GRIK4: variants seen among roughly 807,000 people sequenced by gnomAD.
The protein encoded by GRIK4 is glutamate receptor ionotropic, kainate 4.
A neutral mutation model predicts 104.9 loss-of-function variants in GRIK4; 40 were observed. The observed-to-expected ratio is 0.38, with a 90% confidence interval of 0.30 to 0.50. The LOEUF is 0.50. GRIK4 is among the 20% of genes least tolerant of loss of function. The pLI, the probability that GRIK4 is intolerant of heterozygous loss-of-function variation, is 0.93. For synonymous variants in GRIK4, 485 were observed against 524.9 expected, an observed-to-expected ratio of 0.92 and a Z score of 1.04; for missense variants, 1,047 against 1,308.1, an observed-to-expected ratio of 0.80 and a Z score of 3.08.
At chr11:120,599,839 C>T (rs933379885) in intron 1 of GRIK4, among the ~76,000 whole-genome samples, 3 of 152,202 alleles carry the variant, frequency 2.0e-5, no homozygotes, top group Admixed American at 1.3e-4. Flanking sequence ...GTGACTCACC[C>T]GAGCAAGGAG....
chr11:120,785,469 C>T (rs1343660870), intron 3 of GRIK4, among the ~76,000 whole-genome samples: 2 of 152,182 alleles, frequency 1.3e-5, no homozygotes, highest in Admixed American at 1.3e-4. Context: ...ATACATAGGG[C>T]ACTAACTGCA....
At chr11:120,871,793 C>A in intron 9 of GRIK4, 1 of 456,132 alleles carries the variant, frequency 2.2e-6, no homozygotes. Flanking sequence ...GAAGCAGCAG[C>A]AAGAGAGGGA....
intron 8 of GRIK4, among the ~76,000 whole-genome samples, chr11:120,844,496 T>C (rs1034876490): frequency 6.6e-6 from 1 of 152,178 alleles, no homozygotes; most frequent in Admixed American, 6.5e-5. Flanking sequence ...CAATAAATAT[T>C]GTATGAGTGA....
chr11:120,813,676 T>A (rs6589843), intron 4 of GRIK4, among the ~76,000 whole-genome samples: 2,177 of 152,296 alleles, frequency 0.014, 44 homozygotes, highest in African/African-American at 0.049. Context: ...GTTCAGATGA[T>A]CACCTGGCTG....
chr11:120,800,823 C>T lies in GRIK4; in HGVS notation c.83-1870C>T, dbSNP rs370361192. On this transcript the variant is annotated intron_variant, in intron 3 of 20. Coordinates refer to ENST00000527524, the MANE Select transcript of GRIK4 (RefSeq NM_014619.5). ...AGCATAGAACCTGGATCTCTGCGTC[C>T]GCGCAGACATTCAAGGGCCACGTGT... 4.6e-5 allele frequency among the ~76,000 whole-genome samples: 7 copies of T among 152,178 alleles called. 1 individual carries two copies. The highest frequency in any genetic ancestry group is 4.1e-4 in the South Asian group (2 of 4,826).
rs1044124341 is a variant in GRIK4 at position 120,685,896 on chromosome 11, C to A, written c.82+25496C>A. On this transcript the variant is annotated intron_variant, in intron 3 of 20. Transcript: ENST00000527524. ...TCACCCTTTCTGGGCAATCTTGTGC[C>A]CTCCCTGGAAGTAAACAACTTCCAA... is the stretch of plus-strand genomic sequence containing the variant. Among the ~76,000 whole-genome samples, 5 of 152,114 alleles carry A rather than the reference C, an allele frequency of 3.3e-5. 1 individual carries two copies. Among genetic ancestry groups the A allele is most frequent in the African/African-American group, 1.2e-4 (5 of 41,390 alleles).
At chr11:120,530,872 T>C (rs963916260) in intron 1 of GRIK4, among the ~76,000 whole-genome samples, 1 of 152,210 alleles carries the variant, frequency 6.6e-6, no homozygotes, top group Non-Finnish European at 1.5e-5. Context: ...TTCCCTACAG[T>C]GGACGGCACC....
At chr11:120,754,485 A>G (rs1951618860) in intron 3 of GRIK4, among the ~76,000 whole-genome samples, 1 of 152,188 alleles carries the variant, frequency 6.6e-6, no homozygotes, top group South Asian at 2.1e-4. Flanking sequence ...TTTATTTGTT[A>G]ATCAGTTCAT....
rs549301211 is a variant in GRIK4, at chr11:120,542,901, G to C, written c.-159+31014G>C. ...TGAAGACCTAGGGGAAGGGGAAACTGAGGCATGTTGAGCACAGCCTAGGCT... is the reference window on the plus strand; with the variant it reads ...TGAAGACCTAGGGGAAGGGGAAACTCAGGCATGTTGAGCACAGCCTAGGCT... On this transcript the variant is annotated intron_variant, in intron 1 of 20. Transcript: ENST00000527524. Among the ~76,000 whole-genome samples the C allele has an allele frequency of 1.7e-4, 26 of 152,396 alleles. No homozygotes were observed. The East Asian group carries it at 3.9e-3, about 23-fold the overall frequency.
At chr11:120,959,932 G>A (rs1198932251) in intron 16 of GRIK4, among the ~76,000 whole-genome samples, 1 of 152,198 alleles carries the variant, frequency 6.6e-6, no homozygotes, top group Admixed American at 6.5e-5. Context: ...GGGAGGCTGA[G>A]GCAGGAAGAC....
At chr11:120,896,869 G>A (rs1477015501) in intron 11 of GRIK4, among the ~76,000 whole-genome samples, 1 of 152,216 alleles carries the variant, frequency 6.6e-6, no homozygotes, top group African/African-American at 2.4e-5. Flanking sequence ...AGAAAGGTGT[G>A]TGCATTTCAT....
chr11:120,570,425 T>C (rs1036539136), intron 1 of GRIK4, among the ~76,000 whole-genome samples: 7 of 152,244 alleles, frequency 4.6e-5, no homozygotes, highest in African/African-American at 1.4e-4. Flanking sequence ...TATATTTTAA[T>C]GTATCGATTG....
chr11:120,944,168 T>TC (rs941443038), intron 14 of GRIK4, among the ~76,000 whole-genome samples: 15 of 147,078 alleles, frequency 1.0e-4, no homozygotes, highest in African/African-American at 1.5e-4. Flanking sequence ...CTCTCTCTCC[T>TC]CCCCCCCGTC....
chr11:120,949,147 AT>A (rs1943938478), intron 14 of GRIK4, among the ~76,000 whole-genome samples: 1 of 152,154 alleles, frequency 6.6e-6, no homozygotes, highest in Non-Finnish European at 1.5e-5. Context: ...GAGTCAACAG[AT>A]TGTTTTTAAG....
chr11:120,591,100 C>T lies in GRIK4; in HGVS notation c.-158-62585C>T, dbSNP rs546588081. Among the ~76,000 whole-genome samples, 14 of 152,192 alleles carry T rather than the reference C, an allele frequency of 9.2e-5. No homozygotes were observed. The South Asian group carries it at 1.9e-3, about 20-fold the overall frequency. On this transcript the variant is annotated intron_variant, in intron 1 of 20. Coordinates refer to ENST00000527524, the MANE Select transcript of GRIK4 (RefSeq NM_014619.5). ...AATGGAGGCAAGTCACCATACTGCG[C>T]GATCCAGCCACATGTGAAAGAATAG... is the stretch of plus-strand genomic sequence containing the variant.
chr11:120,730,525 G>T (rs955918177), intron 3 of GRIK4, among the ~76,000 whole-genome samples: 35 of 151,976 alleles, frequency 2.3e-4, no homozygotes, highest in African/African-American at 8.2e-4. Context: ...TGTTGTTTTT[G>T]CTCAGGATAA....
chr11:120,686,681 GC>G (rs1347354174), intron 3 of GRIK4, among the ~76,000 whole-genome samples: 3 of 152,238 alleles, frequency 2.0e-5, no homozygotes, highest in Non-Finnish European at 4.4e-5. Context: ...CAACGTTATT[GC>G]CGTTGGCTTT....
Position 120,797,746 on chromosome 11 carries a change from C to A in GRIK4, c.83-4947C>A, listed in dbSNP as rs1952547512. ...AGGATTTTAGATGTTAGTGAGTTGG[C>A]AATGACCTGCCTAATAACTTTGAGC... On this transcript the variant is annotated intron_variant, in intron 3 of 20. Transcript: ENST00000527524. 1.3e-5 allele frequency among the ~76,000 whole-genome samples: 2 copies of A among 152,172 alleles called. 1 individual carries two copies. Among genetic ancestry groups the A allele is most frequent in the Admixed American group, 1.3e-4 (2 of 15,282 alleles).
chr11:120,670,001 T>C (rs1458069220), intron 3 of GRIK4, among the ~76,000 whole-genome samples: 1 of 152,236 alleles, frequency 6.6e-6, no homozygotes, highest in African/African-American at 2.4e-5. Flanking sequence ...CTGCTTCTCC[T>C]ACTGTCTACT....
Sources: gnomAD v4.1 joint callset for allele counts (sites outside exome capture counted in the v4.1 genomes callset) on GRCh38, gnomAD v4.1.1 for gene constraint, MANE v1.5 for transcripts, NCBI Gene and HGNC (gene_info 2026-07-23, HGNC 2026-07-21) for gene names.